Variants in TRAPPC9 observed in about 807,000 individuals in gnomAD.
TRAPPC9 encodes trafficking protein particle complex subunit 9.
TRAPPC9 carries 83 observed loss-of-function variants against 124.0 expected under a neutral mutation model. The ratio of observed to expected loss-of-function variants is 0.67; its 90% confidence interval spans 0.56 to 0.80. The LOEUF (loss-of-function observed/expected upper bound fraction) is 0.80. Ranked by LOEUF, TRAPPC9 falls within the 30% of genes least tolerant of loss-of-function variation. The pLI is 0.00. For missense variants in TRAPPC9, 1,302 were observed against 1,508.3 expected (o/e 0.86, Z 2.27); for synonymous variants, 638 against 617.5 (o/e 1.03, Z -0.49).
At chr8:139,912,123 A>C (rs1028503433) in intron 19 of TRAPPC9, among the ~76,000 whole-genome samples, 1 of 152,258 alleles carries the variant, frequency 6.6e-6, no homozygotes, top group African/African-American at 2.4e-5. Context: ...AGCATAAAAA[A>C]GAAAATAAAA....
intron 15 of TRAPPC9, among the ~76,000 whole-genome samples, chr8:140,268,016 C>G (rs1354396897): frequency 6.6e-6 from 1 of 151,796 alleles, no homozygotes; most frequent in Non-Finnish European, 1.5e-5. Flanking sequence ...TATCAAAGTA[C>G]AAAGAGAATC....
At chr8:140,038,585 G>C (rs563382941) in intron 17 of TRAPPC9, among the ~76,000 whole-genome samples, 1 of 152,226 alleles carries the variant, frequency 6.6e-6, no homozygotes, top group Admixed American at 6.5e-5. Flanking sequence ...TCTAGATGGC[G>C]ATCAAGTGGC....
At chr8:140,027,962 G>A (rs918611933) in intron 17 of TRAPPC9, among the ~76,000 whole-genome samples, 3 of 151,982 alleles carry the variant, frequency 2.0e-5, no homozygotes, top group African/African-American at 7.3e-5. Context: ...CGACACGTGG[G>A]GATTATGGGG....
At chr8:140,181,095 CTAT>C (rs2062191624) in intron 17 of TRAPPC9, among the ~76,000 whole-genome samples, 1 of 152,190 alleles carries the variant, frequency 6.6e-6, no homozygotes, top group South Asian at 2.1e-4. Context: ...ATGCTCTCAA[CTAT>C]TCTTTCACAT....
chr8:139,782,451 C>T (rs1231605479), intron 21 of TRAPPC9, among the ~76,000 whole-genome samples: 1 of 152,170 alleles, frequency 6.6e-6, no homozygotes, highest in Admixed American at 6.5e-5. Flanking sequence ...AACATCATAG[C>T]AATTGATATT....
chr8:139,838,740 G>A (rs530108146), intron 21 of TRAPPC9, among the ~76,000 whole-genome samples: 7 of 152,184 alleles, frequency 4.6e-5, no homozygotes, highest in African/African-American at 1.4e-4. Flanking sequence ...ACTCTTGACC[G>A]CATCAAAGGT....
chr8:140,197,405 C>T (rs2062695012), intron 17 of TRAPPC9, among the ~76,000 whole-genome samples: 1 of 151,704 alleles, frequency 6.6e-6, no homozygotes, highest in Non-Finnish European at 1.5e-5. Context: ...CCTCACTTTG[C>T]AGATGAGAGC....
chr8:139,922,818 G>T (rs1227353669), intron 19 of TRAPPC9, among the ~76,000 whole-genome samples: 3 of 152,238 alleles, frequency 2.0e-5, no homozygotes, highest in Non-Finnish European at 4.4e-5. Context: ...ACTAGACAGA[G>T]CTGGGACACG....
intron 17 of TRAPPC9, among the ~76,000 whole-genome samples, chr8:140,186,579 A>G (rs1196145817): frequency 1.3e-5 from 2 of 152,154 alleles, no homozygotes; most frequent in Non-Finnish European, 2.9e-5. Context: ...AAAAAAAAAA[A>G]GTTATTAAAT....
chr8:140,243,707 C>A (rs1025143819), intron 16 of TRAPPC9, among the ~76,000 whole-genome samples: 2 of 152,264 alleles, frequency 1.3e-5, no homozygotes, highest in Non-Finnish European at 2.9e-5. Flanking sequence ...AGATTCCTTA[C>A]ATGAACTGCT....
At chr8:139,887,198 CTCCTGTG>C (rs1423321518) in intron 20 of TRAPPC9, among the ~76,000 whole-genome samples, 2 of 151,564 alleles carry the variant, frequency 1.3e-5, no homozygotes, top group Non-Finnish European at 2.9e-5. Context: ...CCTCTACCCA[CTCCTGTG>C]TCCTATTTTA....
intron 21 of TRAPPC9, among the ~76,000 whole-genome samples, chr8:139,882,593 C>A (rs1829738070): frequency 6.6e-6 from 1 of 152,188 alleles, no homozygotes; most frequent in Non-Finnish European, 1.5e-5. Flanking sequence ...CAGTATGCAT[C>A]TGCGCAGGCC....
chr8:139,991,514 C>T lies in TRAPPC9; in HGVS notation c.2700-2678G>A, dbSNP rs180858824. Among the ~76,000 whole-genome samples the T allele has an allele frequency of 1.1e-4, 17 of 151,706 alleles. No individual in the cohort carries two copies. In the South Asian group the frequency reaches 1.9e-3, roughly 17 times the overall value. ...TTATTCTGTGTACCTTTCCATATGG[C>T]TTTGGATGCTTGGTTTTAAGGCTGA... On this transcript the variant is annotated intron_variant, in intron 18 of 22. Transcript: ENST00000438773.
intron 17 of TRAPPC9, among the ~76,000 whole-genome samples, chr8:140,126,121 G>A (rs551257968): frequency 8.5e-5 from 13 of 152,106 alleles, no homozygotes; most frequent in Middle Eastern, 3.4e-3. Context: ...TTTGCGGTAC[G>A]TAACTTCTTC....
chr8:140,126,390 G>A lies in TRAPPC9; in HGVS notation c.2556+95069C>T, dbSNP rs138932397. Among the ~76,000 whole-genome samples, 15 of 152,200 alleles carry A rather than the reference G, an allele frequency of 9.9e-5. No individual in the cohort carries two copies. The East Asian group carries it at 2.1e-3, about 22-fold the overall frequency. ...CAGGCACCAGGTTCCAAACAAAGAC[G>A]TTAACGAATCAGCCCCCCAGTCCCA... On this transcript the variant is annotated intron_variant, in intron 17 of 22. Transcript: ENST00000438773.
intron 17 of TRAPPC9, among the ~76,000 whole-genome samples, chr8:140,124,567 G>A (rs1049558078): frequency 2.3e-4 from 9 of 39,146 alleles, no homozygotes; most frequent in African/African-American, 1.7e-3. Flanking sequence ...ATCTTTGGGC[G>A]GGGGGGCATT....
At chr8:139,853,590 G>A (rs80007501) in intron 21 of TRAPPC9, among the ~76,000 whole-genome samples, 1 of 152,208 alleles carries the variant, frequency 6.6e-6, no homozygotes, top group African/African-American at 2.4e-5. Flanking sequence ...TGAACAAACA[G>A]GGCTTCAGCC....
intron 19 of TRAPPC9, among the ~76,000 whole-genome samples, chr8:139,964,801 T>A (rs377433737): frequency 9.9e-5 from 15 of 152,176 alleles, no homozygotes; most frequent in African/African-American, 3.6e-4. Flanking sequence ...GAGGCCAGAT[T>A]TTTAATTTCC....
chr8:140,259,153 CCT>C (rs1186019358), intron 15 of TRAPPC9, among the ~76,000 whole-genome samples: 5 of 152,214 alleles, frequency 3.3e-5, no homozygotes, highest in Non-Finnish European at 7.3e-5. Context: ...GCTCTTCACC[CCT>C]GTGCCCTAGT....
Sources: gnomAD v4.1 joint callset for allele counts (sites outside exome capture counted in the v4.1 genomes callset) on GRCh38, gnomAD v4.1.1 for gene constraint, MANE v1.5 for transcripts, NCBI Gene and HGNC (gene_info 2026-07-23, HGNC 2026-07-21) for gene names.